Variants in ANKRD46 observed in about 807,000 individuals in gnomAD.
ANKRD46 encodes the protein ankyrin repeat domain 46, also known as ankyrin repeat domain-containing protein 46.
In ANKRD46, 13 loss-of-function variants were observed where a neutral mutation model predicts 19.8. The ratio of observed to expected loss-of-function variants is 0.66; its 90% CI spans 0.43 to 1.04. The LOEUF (loss-of-function observed/expected upper bound fraction) is 1.04, where lower values mean the gene tolerates loss of function less well. Among genes scored for constraint, ANKRD46 ranks in the 50% least tolerant of loss-of-function variants. The probability of loss-of-function intolerance (pLI) is 0.00; values close to 1 mark genes in which losing one functional copy is unlikely to be tolerated. For synonymous variants in ANKRD46, 91 were observed against 106.9 expected (o/e 0.85, Z 0.92); for missense variants, 185 against 274.8 (o/e 0.67, Z 2.31).
At position 100,511,404 on chromosome 8, in the gene ANKRD46, T is replaced by C. The variant is rs1390273099; in HGVS notation, c.637-765A>G. 1.3e-5 allele frequency among the ~76,000 whole-genome samples: 2 copies of C among 152,086 alleles called. No individual in the cohort carries two copies. Among genetic ancestry groups the C allele is most frequent in the Middle Eastern group, 3.2e-3 (1 of 316 alleles). On this transcript the variant is annotated intron_variant, in intron 5 of 5. Transcript: ENST00000520552. The surrounding 1 kb of genome is among the most constrained non-coding windows in gnomAD (Gnocchi z 4.1). The stretch of plus-strand genomic sequence containing the variant: ...AAGGAGTGTCTTGTTTATTTTCTTA[T>C]GTATCTGGTAAATGGTGAGGTAGAC...
At chr8:100,552,345 G>GGTTATC (rs1476308552) in intron 1 of ANKRD46, among the ~76,000 whole-genome samples, 1 of 149,696 alleles carries the variant, frequency 6.7e-6, no homozygotes, top group East Asian at 1.9e-4. Context: ...CTATAGAGAT[G>GGTTATC]GTTATCCTAT....
chr8:100,534,173 G>A lies in ANKRD46; in HGVS notation c.-130-862C>T, dbSNP rs1217650090. On this transcript the variant is annotated intron_variant, in intron 1 of 4. Transcript: ENST00000335659. The surrounding 1 kb of genome is among the most constrained non-coding windows in gnomAD (Gnocchi z 4.2). The stretch of plus-strand genomic sequence containing the variant: ...GGTTAACTTTTTACCGATCATCCTT[G>A]TTCATTGTTATCAAATCCCTGTGAA... Among the ~76,000 whole-genome samples, 1 of 152,180 alleles carries A rather than the reference G, an allele frequency of 6.6e-6. No individual in the cohort carries two copies. The highest frequency in any genetic ancestry group is 1.5e-5 in the Non-Finnish European group (1 of 68,028).
At chr8:100,552,005 C>G (rs1484010823) in intron 1 of ANKRD46, among the ~76,000 whole-genome samples, 1 of 151,928 alleles carries the variant, frequency 6.6e-6, no homozygotes, top group Non-Finnish European at 1.5e-5. Context: ...CAAAAATTAG[C>G]CAGGTGTGGT....
rs1396401499 is a variant in ANKRD46, at chr8:100,559,411, T to C, written c.-131+300A>G. 1 of 152,442 alleles carries C rather than the reference T, an allele frequency of 6.6e-6. No homozygotes were observed. Among genetic ancestry groups the C allele is most frequent in the East Asian group, 1.9e-4 (1 of 5,202 alleles). The allele number at this position is 152,442 out of a possible 1,614,324, so 9.4% of individuals were successfully genotyped here. On this transcript the variant is annotated intron_variant, in intron 1 of 4. Transcript: ENST00000335659. This position sits in a 1 kb window ranked among gnomAD's most constrained non-coding sequence, Gnocchi z 6.0. The stretch of plus-strand genomic sequence containing the variant: ...CCCCCGATTAACCGCGAGCCAGGGC[T>C]GCCCGCGCTGCCCAGGGGTTCCCCG...
At chr8:100,549,934 G>A (rs576685292) in intron 1 of ANKRD46, among the ~76,000 whole-genome samples, 5 of 152,086 alleles carry the variant, frequency 3.3e-5, no homozygotes, top group South Asian at 2.1e-4. Flanking sequence ...GAAATCATAC[G>A]GTATGCAGCT....
intron 3 of ANKRD46, among the ~76,000 whole-genome samples, chr8:100,528,517 C>G (rs200817088): frequency 7.9e-6 from 1 of 126,408 alleles, no homozygotes; most frequent in South Asian, 2.6e-4. Flanking sequence ...CCTTGTTTTT[C>G]TTTTTTTTTT....
At chr8:100,551,306 A>T in intron 1 of ANKRD46, 1 of 529,810 alleles carries the variant, frequency 1.9e-6, no homozygotes, top group Non-Finnish European at 3.5e-6. Context: ...CAGACTTCTC[A>T]GGGATCATGC....
In ANKRD46 at chr8:100,555,722, T is replaced by TAAAAAAAA. The variant is rs59521764; in HGVS notation, c.-131+3981_-131+3988dup. 1.3e-3 allele frequency among the ~76,000 whole-genome samples: 67 copies of TAAAAAAAA among 53,302 alleles called. 9 individuals are homozygous for TAAAAAAAA. Among genetic ancestry groups the TAAAAAAAA allele is most frequent in the Middle Eastern group, 0.012 (1 of 82 alleles). 35.0% of individuals were successfully genotyped at this position (53,302 alleles called of 152,430 possible). Reference sequence around the variant, plus strand: ...GCACCAACTTAATATTTTCCTCAGCTAAAAAAAAAAAAAAAAAAAAAAAAA... The same window carrying TAAAAAAAA: ...GCACCAACTTAATATTTTCCTCAGCTAAAAAAAAAAAAAAAAAAAAAAAAAAAAAAAAA... On this transcript the variant is annotated intron_variant, in intron 1 of 4. Transcript: ENST00000335659.
At chr8:100,538,713 G>GA (rs1464053622) in intron 1 of ANKRD46, among the ~76,000 whole-genome samples, 1 of 152,146 alleles carries the variant, frequency 6.6e-6, no homozygotes, top group Admixed American at 6.5e-5. Flanking sequence ...GTGCCCCTGT[G>GA]AATGGATGTG....
Position 100,543,067 on chromosome 8 carries a change from T to C in ANKRD46, c.-130-9756A>G, listed in dbSNP as rs1288141622. On this transcript the variant is annotated intron_variant, in intron 1 of 4. Coordinates refer to ENST00000335659, the MANE Select transcript of ANKRD46 (RefSeq NM_001270377.2). This position sits in a 1 kb window ranked among gnomAD's most constrained non-coding sequence, Gnocchi z 4.2. The stretch of plus-strand genomic sequence containing the variant: ...AGAAGATGACAAGTTCCTATATCAG[T>C]TTCCCATGGAGCTATTTTTGCAAAC... Among the ~76,000 whole-genome samples, 1 of 152,116 alleles carries C rather than the reference T, an allele frequency of 6.6e-6. No homozygotes were observed. Among genetic ancestry groups the C allele is most frequent in the Non-Finnish European group, 1.5e-5 (1 of 68,032 alleles).
At position 100,559,187 on chromosome 8, in the gene ANKRD46, C is replaced by T. The variant is rs915968988; in HGVS notation, c.-131+524G>A. 6.6e-6 allele frequency: 1 copy of T among 152,242 alleles called. No homozygotes were observed. Among genetic ancestry groups the T allele is most frequent in the African/African-American group, 2.4e-5 (1 of 41,454 alleles). 9.4% of individuals were successfully genotyped at this position (152,242 alleles called of 1,614,324 possible). A position where few individuals can be genotyped will look rare whatever the true frequency, so the allele number is the denominator to read the frequency against. ...TTAAGGGAGGAAGTTTGCGATTACC[C>T]GAGCCCTAAGTGGAAGGTGTGCAAA... On this transcript the variant is annotated intron_variant, in intron 1 of 4. Coordinates refer to ENST00000335659, the MANE Select transcript of ANKRD46 (RefSeq NM_001270377.2). This position sits in a 1 kb window ranked among gnomAD's most constrained non-coding sequence, Gnocchi z 6.0.
rs1310904474 is a variant in ANKRD46 at position 100,524,585 on chromosome 8, A to G, written c.471-1814T>C. Among the ~76,000 whole-genome samples the G allele has an allele frequency of 6.6e-6, 1 of 152,110 alleles. No homozygotes were observed. Among genetic ancestry groups the G allele is most frequent in the Non-Finnish European group, 1.5e-5 (1 of 68,026 alleles). On this transcript the variant is annotated intron_variant, in intron 4 of 4. Coordinates refer to ENST00000335659, the MANE Select transcript of ANKRD46 (RefSeq NM_001270377.2). The surrounding 1 kb of genome is among the most constrained non-coding windows in gnomAD (Gnocchi z 4.3). ...CAGTGGGAATCTACAACACCACAGT[A>G]ATTTTGGAACACTTGACAGCAAGTT...
Position 100,544,013 on chromosome 8 carries a change from C to T in ANKRD46, c.-130-10702G>A, listed in dbSNP as rs1812224649. On this transcript the variant is annotated intron_variant, in intron 1 of 4. Coordinates refer to ENST00000335659, the MANE Select transcript of ANKRD46 (RefSeq NM_001270377.2). The surrounding 1 kb of genome is among the most constrained non-coding windows in gnomAD (Gnocchi z 4.4). ...ATGTCAAAGACCTTTATGTCCACAT[C>T]ACTTCCATCACTTAGTTGGACTTTG... is the stretch of plus-strand genomic sequence containing the variant. Among the ~76,000 whole-genome samples, 1 of 152,180 alleles carries T rather than the reference C, an allele frequency of 6.6e-6. No homozygotes were observed. The highest frequency in any genetic ancestry group is 6.5e-5 in the Admixed American group (1 of 15,278).
At chr8:100,526,403 T>C (rs1210939817) in intron 4 of ANKRD46, among the ~76,000 whole-genome samples, 2 of 152,172 alleles carry the variant, frequency 1.3e-5, no homozygotes, top group Non-Finnish European at 2.9e-5. Flanking sequence ...TGTTATTTCA[T>C]AAAAAGATAA....
intron 1 of ANKRD46, among the ~76,000 whole-genome samples, chr8:100,535,097 A>G (rs562190304): frequency 6.6e-6 from 1 of 152,372 alleles, no homozygotes; most frequent in Admixed American, 6.5e-5. Context: ...ACAATGGCCC[A>G]TAAGAAAATA....
chr8:100,528,086 AG>A, intron 3 of ANKRD46, 83 bp from the exon 4 acceptor site: 2 of 1,360,676 alleles, frequency 1.5e-6, no homozygotes, highest in East Asian at 2.6e-5. Flanking sequence ...TTCCATTTTT[AG>A]TACCCACTTA....
rs1356301782 is a variant in ANKRD46, at chr8:100,524,531, T to C, written c.471-1760A>G. On this transcript the variant is annotated intron_variant, in intron 4 of 4. Transcript: ENST00000335659. The surrounding 1 kb of genome is among the most constrained non-coding windows in gnomAD (Gnocchi z 4.3). ...TTTTTTTTTTAATAATTAAAACATG[T>C]TTATTCTCTGAATAAGAGATGATGT... Among the ~76,000 whole-genome samples, 4 of 152,032 alleles carry C rather than the reference T, an allele frequency of 2.6e-5. No individual in the cohort carries two copies. Among genetic ancestry groups the C allele is most frequent in the Admixed American group, 2.0e-4 (3 of 15,248 alleles).
At position 100,550,865 on chromosome 8, in the gene ANKRD46, A is replaced by G. The variant is rs1419271065; in HGVS notation, c.-131+8846T>C. 1.2e-5 allele frequency: 6 copies of G among 505,868 alleles called. No homozygotes were observed. The highest frequency in any genetic ancestry group is 2.2e-5 in the Non-Finnish European group (6 of 266,792). 31.3% of individuals were successfully genotyped at this position (505,868 alleles called of 1,614,324 possible). On this transcript the variant is annotated intron_variant, in intron 1 of 4. Transcript: ENST00000335659. This position sits in a 1 kb window ranked among gnomAD's most constrained non-coding sequence, Gnocchi z 4.4. Reference sequence around the variant, plus strand: ...AAGTGGAAGAGTGAGTGTCACTGTTAAAGTCAGAGGAAACAACCTGGTGTT... The same window carrying G: ...AAGTGGAAGAGTGAGTGTCACTGTTGAAGTCAGAGGAAACAACCTGGTGTT...
At chr8:100,541,739 C>T (rs1210577057) in intron 1 of ANKRD46, among the ~76,000 whole-genome samples, 1 of 152,178 alleles carries the variant, frequency 6.6e-6, no homozygotes, top group Non-Finnish European at 1.5e-5. Context: ...TGTCGAAATA[C>T]AAAATGCAGT....
Sources: gnomAD v4.1 joint callset for allele counts (sites outside exome capture counted in the v4.1 genomes callset) on GRCh38, gnomAD v4.1.1 for gene constraint, Gnocchi (gnomAD v3.1) non-coding constraint, MANE v1.5 for transcripts, NCBI Gene and HGNC (gene_info 2026-07-23, HGNC 2026-07-21) for gene names.